SIPA1L3: variants seen among roughly 807,000 people sequenced by gnomAD.
SIPA1L3 encodes signal induced proliferation associated 1 like 3, also known as signal-induced proliferation-associated 1-like protein 3.
In SIPA1L3, 59 loss-of-function variants were observed where a neutral mutation model predicts 150.1. The observed-to-expected ratio is 0.39, with a 90% CI of 0.32 to 0.49. The LOEUF is 0.49. Among genes scored for constraint, SIPA1L3 ranks in the 20% least tolerant of loss-of-function variants. The pLI, the probability that SIPA1L3 is intolerant of heterozygous loss-of-function variation, is 0.86. For missense variants in SIPA1L3, 2,211 were observed against 2,489.5 expected (o/e 0.89, Z 2.38); for synonymous variants, 1,070 against 1,077.6 (o/e 0.99, Z 0.14).
chr19:37,990,871 G>T (rs1174644392), intron 1 of SIPA1L3, among the ~76,000 whole-genome samples: 1 of 152,190 alleles, frequency 6.6e-6, no homozygotes, highest in Admixed American at 6.5e-5. Context: ...ACTGTTGTTA[G>T]CCTTTTTTTC....
rs188548475 is a variant in SIPA1L3 at position 37,952,035 on chromosome 19, G to A, written c.-379+44677G>A. ...TGCCATAGGGATTGGTTCAAGGAAG[G>A]GAGGAGGTGAGTCAGTCCAATCAGA... On this transcript the variant is annotated intron_variant, in intron 1 of 21. Coordinates refer to ENST00000222345, the MANE Select transcript of SIPA1L3 (RefSeq NM_015073.3). Among the ~76,000 whole-genome samples, 1,170 of 152,232 alleles carry A rather than the reference G, an allele frequency of 7.7e-3. 13 individuals carry two copies. The highest frequency in any genetic ancestry group is 0.012 in the Non-Finnish European group (814 of 68,022).
At chr19:38,182,859 G>A (rs752352766) in intron 16 of SIPA1L3, 119 bp downstream of exon 16, 6 of 752,036 alleles carry the variant, frequency 8.0e-6, no homozygotes, top group Non-Finnish European at 1.3e-5. Flanking sequence ...CAGTGTACCA[G>A]TGTACACACT....
At chr19:38,070,082 G>A (rs1969682201) in intron 2 of SIPA1L3, among the ~76,000 whole-genome samples, 2 of 152,054 alleles carry the variant, frequency 1.3e-5, no homozygotes, top group African/African-American at 4.8e-5. Context: ...GCTGTTCCCA[G>A]CTTCCCTGCT....
intron 7 of SIPA1L3, among the ~76,000 whole-genome samples, chr19:38,107,113 A>C (rs1302775705): frequency 1.3e-5 from 2 of 152,234 alleles, no homozygotes; most frequent in Non-Finnish European, 2.9e-5. Context: ...TTTTCTTTAC[A>C]GCAGCTTTAT....
At chr19:38,010,707 G>C (rs1423816588) in intron 1 of SIPA1L3, among the ~76,000 whole-genome samples, 1 of 152,114 alleles carries the variant, frequency 6.6e-6, no homozygotes, top group African/African-American at 2.4e-5. Flanking sequence ...GCGAAACTCT[G>C]TCTAAAAAAC....
At chr19:37,930,233 C>T (rs1199600766) in intron 1 of SIPA1L3, among the ~76,000 whole-genome samples, 3 of 151,842 alleles carry the variant, frequency 2.0e-5, no homozygotes. Flanking sequence ...GTGTTAGTCT[C>T]GATCTCCTGA....
At chr19:38,039,295 T>A (rs1968857421) in intron 2 of SIPA1L3, among the ~76,000 whole-genome samples, 1 of 152,036 alleles carries the variant, frequency 6.6e-6, no homozygotes, top group African/African-American at 2.4e-5. Flanking sequence ...CTTCCAGATT[T>A]TTTTCAACAC....
intron 1 of SIPA1L3, among the ~76,000 whole-genome samples, chr19:38,017,915 C>T (rs1968275328): frequency 6.6e-6 from 1 of 151,462 alleles, no homozygotes; most frequent in Non-Finnish European, 1.5e-5. Context: ...ATATCATTCC[C>T]CTGCTTCCCA....
intron 4 of SIPA1L3, among the ~76,000 whole-genome samples, chr19:38,094,536 C>T (rs996790683): frequency 4.6e-5 from 7 of 152,204 alleles, no homozygotes; most frequent in African/African-American, 1.7e-4. Flanking sequence ...CAGGCATGAG[C>T]CACTGCACCT....
intron 2 of SIPA1L3, among the ~76,000 whole-genome samples, chr19:38,030,610 T>C (rs1968626528): frequency 5.1e-5 from 1 of 19,772 alleles, no homozygotes; most frequent in African/African-American, 1.0e-4. Flanking sequence ...ATTTTATATA[T>C]ATATATGTGG....
In SIPA1L3 at chr19:38,164,644, T is replaced by C. The variant is rs1183975688; in HGVS notation, c.3946T>C (p.Tyr1316His). ...SSDSGIDTTLYTSSPSCMSLA... is the reference protein window; with the variant it reads ...SSDSGIDTTLHTSSPSCMSLA... ...TGACAGCGGCATCGACACCACCCTC[T>C]ACACCTCCAGCCCTAGCTGCATGTC... The change falls in exon 15 of 22, where the codon TAC becomes CAC. Residue 1316 changes from tyrosine to histidine, a missense_variant. By Grantham distance (83) the Tyr-to-His change is moderately conservative. Transcript: ENST00000222345. The surrounding 1 kb of genome is among the most constrained non-coding windows in gnomAD (Gnocchi z 4.1). The C allele has an allele frequency of 1.2e-6, 2 of 1,614,128 alleles. No individual in the cohort carries two copies. Among genetic ancestry groups the C allele is most frequent in the Admixed American group, 3.3e-5 (2 of 60,006 alleles).
chr19:38,138,649 G>A (rs1568570749), intron 10 of SIPA1L3, among the ~76,000 whole-genome samples: 1 of 24,766 alleles, frequency 4.0e-5, no homozygotes, highest in Non-Finnish European at 6.8e-5. Flanking sequence ...TGTAATCCTA[G>A]CACTTTGGGA....
At position 37,972,829 on chromosome 19, in the gene SIPA1L3, T is replaced by C. The variant is rs146878674; in HGVS notation, c.-378-56260T>C. ...ATTGAAGAAAATGCTGAATTTCTGT[T>C]AGAGATTAGTGAAAATAAAGAGGTA... On this transcript the variant is annotated intron_variant, in intron 1 of 21. Coordinates refer to ENST00000222345, the MANE Select transcript of SIPA1L3 (RefSeq NM_015073.3). Among the ~76,000 whole-genome samples the C allele has an allele frequency of 3.7e-3, 571 of 152,310 alleles. 4 individuals are homozygous for C. The highest frequency in any genetic ancestry group is 0.013 in the African/African-American group (536 of 41,564).
intron 1 of SIPA1L3, among the ~76,000 whole-genome samples, chr19:38,024,032 GA>G (rs1968445484): frequency 6.6e-6 from 1 of 152,150 alleles, no homozygotes; most frequent in Non-Finnish European, 1.5e-5. Flanking sequence ...GGGGGTGGAC[GA>G]GGTAAAGGGG....
chr19:37,980,977 A>C (rs573988732), intron 1 of SIPA1L3, among the ~76,000 whole-genome samples: 2 of 152,182 alleles, frequency 1.3e-5, no homozygotes, highest in Non-Finnish European at 2.9e-5. Flanking sequence ...TTCAGTAGAC[A>C]CAGTCGTAGT....
chr19:38,000,899 TATATATATATAAC>T lies in SIPA1L3; in HGVS notation c.-378-28180_-378-28168del, dbSNP rs1255305387. On this transcript the variant is annotated intron_variant, in intron 1 of 21. Coordinates refer to ENST00000222345, the MANE Select transcript of SIPA1L3 (RefSeq NM_015073.3). ...TTTTTATATATATATATATGTTATA[TATATATATATAAC>T]ATATATATAACATATATATAACATA... is the stretch of plus-strand genomic sequence containing the variant. Among the ~76,000 whole-genome samples the T allele has an allele frequency of 3.0e-3, 311 of 103,216 alleles. 1 individual carries two copies. Among genetic ancestry groups the T allele is most frequent in the Middle Eastern group, 9.7e-3 (2 of 206 alleles). The allele number at this position is 103,216 out of a possible 152,430, so 67.7% of individuals were successfully genotyped here.
At chr19:37,954,559 G>A (rs912109895) in intron 1 of SIPA1L3, among the ~76,000 whole-genome samples, 1 of 152,058 alleles carries the variant, frequency 6.6e-6, no homozygotes, top group Non-Finnish European at 1.5e-5. Flanking sequence ...GGATGTTGAG[G>A]ATCTGAACAT....
intron 1 of SIPA1L3, among the ~76,000 whole-genome samples, chr19:38,024,417 G>T (rs1012058344): frequency 6.6e-6 from 1 of 152,130 alleles, no homozygotes; most frequent in East Asian, 1.9e-4. Context: ...CCGGAGGTGA[G>T]ATGAGGGTGT....
At chr19:37,970,050 A>G (rs1966895460) in intron 1 of SIPA1L3, among the ~76,000 whole-genome samples, 1 of 152,218 alleles carries the variant, frequency 6.6e-6, no homozygotes. Flanking sequence ...GTGCAAAACA[A>G]AACAAAAAAC....
Sources: gnomAD v4.1 joint callset for allele counts (sites outside exome capture counted in the v4.1 genomes callset) on GRCh38, gnomAD v4.1.1 for gene constraint, Gnocchi (gnomAD v3.1) non-coding constraint, MANE v1.5 for transcripts, NCBI Gene and HGNC (gene_info 2026-07-23, HGNC 2026-07-21) for gene names.